Variants in TTLL5 observed in about 807,000 individuals in gnomAD.
The protein encoded by TTLL5 is tubulin polyglutamylase TTLL5.
A neutral mutation model predicts 168.4 loss-of-function variants in TTLL5; 132 were observed. That is an observed-to-expected ratio of 0.78 (90% CI 0.68 to 0.91). The LOEUF (loss-of-function observed/expected upper bound fraction) is 0.91, where lower values mean the gene tolerates loss of function less well. Among genes scored for constraint, TTLL5 ranks in the 40% least tolerant of loss-of-function variants. The pLI is 0.00. For synonymous variants in TTLL5, 546 were observed against 558.6 expected, an observed-to-expected ratio of 0.98 and a Z score of 0.32; for missense variants, 1,545 against 1,581.5, an observed-to-expected ratio of 0.98 and a Z score of 0.39.
At chr14:75,891,840 A>G (rs4903349) in intron 30 of TTLL5, among the ~76,000 whole-genome samples, 134,456 of 152,272 alleles carry the variant, frequency 0.88, 59,471 homozygotes, top group South Asian at 0.92. Flanking sequence ...TAGAGATAGC[A>G]CTAAGCTTCT....
At chr14:75,925,148 C>T (rs1317789581) in intron 31 of TTLL5, among the ~76,000 whole-genome samples, 1 of 148,000 alleles carries the variant, frequency 6.8e-6, no homozygotes, top group Non-Finnish European at 1.5e-5. Context: ...CTGACCCCCC[C>T]ACCTCCCTCC....
chr14:75,670,505 A>T (rs1168723876), intron 3 of TTLL5, among the ~76,000 whole-genome samples: 1 of 152,228 alleles, frequency 6.6e-6, no homozygotes, highest in Non-Finnish European at 1.5e-5. Flanking sequence ...ACTGTTTTCC[A>T]TAGCAGCTGT....
chr14:75,895,525 T>G (rs910791154), intron 30 of TTLL5, among the ~76,000 whole-genome samples: 1 of 151,892 alleles, frequency 6.6e-6, no homozygotes, highest in Non-Finnish European at 1.5e-5. Flanking sequence ...GAGGTTTTTT[T>G]TTAAAAAAAA....
At position 75,902,159 on chromosome 14, in the gene TTLL5, GGCAGCTGAATGGACTCCAGA is replaced by G. The variant is rs760943405; in HGVS notation, c.3764_3783del (p.Leu1255ProfsTer2). 1 of 1,614,134 alleles carries G rather than the reference GGCAGCTGAATGGACTCCAGA, an allele frequency of 6.2e-7. No individual in the cohort carries two copies. Among genetic ancestry groups the G allele is most frequent in the Non-Finnish European group, 8.5e-7 (1 of 1,180,000 alleles). ...TGTTTCAGAGGGTCCTCCGCGGAAG[GGCAGCTGAATGGACTCCAGA>G]GCAGCCTTAACCCTGCAGCCTTTGT... On this transcript the variant is annotated frameshift_variant, in exon 31 of 32. Coordinates refer to ENST00000298832, the MANE Select transcript of TTLL5 (RefSeq NM_015072.5). LOFTEE classifies it high-confidence loss of function.
chr14:75,665,097 G>A (rs970179864), intron 2 of TTLL5, among the ~76,000 whole-genome samples: 1 of 152,060 alleles, frequency 6.6e-6, no homozygotes, highest in Non-Finnish European at 1.5e-5. Flanking sequence ...TTATGCCATG[G>A]ATTCCTTACC....
At chr14:75,888,721 G>A (rs889368014) in intron 30 of TTLL5, among the ~76,000 whole-genome samples, 90 of 151,992 alleles carry the variant, frequency 5.9e-4, no homozygotes, top group African/African-American at 2.1e-3. Context: ...GGGTCATGAG[G>A]TCAGGAGTTC....
At chr14:75,724,637 CA>C (rs1888073790) in intron 12 of TTLL5, among the ~76,000 whole-genome samples, 1 of 152,120 alleles carries the variant, frequency 6.6e-6, no homozygotes, top group Non-Finnish European at 1.5e-5. Context: ...TAACTCAGGT[CA>C]AAATGACTCA....
chr14:75,800,042 T>C (rs1167684614), intron 27 of TTLL5, among the ~76,000 whole-genome samples: 1 of 152,234 alleles, frequency 6.6e-6, no homozygotes, highest in East Asian at 1.9e-4. Flanking sequence ...TTCTCCTCGA[T>C]TATTCCCCCA....
chr14:75,686,458 C>T (rs1209841972), intron 5 of TTLL5, among the ~76,000 whole-genome samples: 1 of 152,120 alleles, frequency 6.6e-6, no homozygotes, highest in African/African-American at 2.4e-5. Flanking sequence ...CTGGAAGGGT[C>T]ATTTCAGGCC....
chr14:75,720,825 T>C, intron 12 of TTLL5, 122 bp downstream of exon 12: 1 of 805,734 alleles, frequency 1.2e-6, no homozygotes, highest in Non-Finnish European at 2.1e-6. Context: ...GGACTCTTCT[T>C]TCTAAGCTCA....
chr14:75,908,496 C>T (rs546786262), intron 31 of TTLL5, among the ~76,000 whole-genome samples: 1 of 152,334 alleles, frequency 6.6e-6, no homozygotes, highest in South Asian at 2.1e-4. Context: ...AGTCCTAGAA[C>T]CTCTTCATAT....
Position 75,950,243 on chromosome 14 carries a change from C to T in TTLL5, c.3824-4181C>T, listed in dbSNP as rs181596687. 2.8e-3 allele frequency among the ~76,000 whole-genome samples: 423 copies of T among 152,280 alleles called. 2 individuals carry two copies. Among genetic ancestry groups the T allele is most frequent in the African/African-American group, 9.8e-3 (407 of 41,562 alleles). On this transcript the variant is annotated intron_variant, in intron 31 of 31. Transcript: ENST00000298832. Reference sequence around the variant, plus strand: ...AGGAAAAAATGGAATTAGATCTGTGCTTCGAACTGTACACAACTTCAGGTC... The same window carrying T: ...AGGAAAAAATGGAATTAGATCTGTGTTTCGAACTGTACACAACTTCAGGTC...
At chr14:75,776,603 G>A (rs1433902989) in intron 22 of TTLL5, 144 bp from the exon 23 acceptor site, 1 of 484,140 alleles carries the variant, frequency 2.1e-6, no homozygotes, top group Admixed American at 3.9e-5. Flanking sequence ...AAATTTATAG[G>A]TGGCAAAAGT....
At chr14:75,673,340 C>T (rs1344059396) in intron 3 of TTLL5, among the ~76,000 whole-genome samples, 13 of 152,196 alleles carry the variant, frequency 8.5e-5, no homozygotes. Context: ...TTTCACTTAT[C>T]TCTGCTCCTC....
At chr14:75,686,160 G>T (rs534809494) in intron 5 of TTLL5, among the ~76,000 whole-genome samples, 2 of 152,294 alleles carry the variant, frequency 1.3e-5, no homozygotes, top group African/African-American at 4.8e-5. Flanking sequence ...TTACCACAAA[G>T]GTTCTTAGTT....
chr14:75,925,428 A>G, intron 31 of TTLL5, among the ~76,000 whole-genome samples: 1 of 135,380 alleles, frequency 7.4e-6, no homozygotes, highest in Non-Finnish European at 1.6e-5. Context: ...GCGGCGGGGC[A>G]GAGGCGCTCC....
At chr14:75,677,496 A>G (rs1287997852) in intron 3 of TTLL5, among the ~76,000 whole-genome samples, 1 of 148,458 alleles carries the variant, frequency 6.7e-6, no homozygotes, top group Non-Finnish European at 1.5e-5. Context: ...TTCAAGGCTC[A>G]GGTGATCCTC....
intron 29 of TTLL5, among the ~76,000 whole-genome samples, chr14:75,873,295 C>T (rs962362017): frequency 1.1e-4 from 17 of 152,070 alleles, no homozygotes; most frequent in South Asian, 6.2e-4. Flanking sequence ...AGGATGGTCT[C>T]GATCTTCTGA....
At chr14:75,683,090 C>A (rs997221400) in intron 4 of TTLL5, among the ~76,000 whole-genome samples, 2 of 152,134 alleles carry the variant, frequency 1.3e-5, no homozygotes, top group African/African-American at 2.4e-5. Context: ...AGTTCTGATA[C>A]CAGTTTGTAT....
Sources: allele counts gnomAD v4.1 joint callset (sites outside exome capture counted in the v4.1 genomes callset), GRCh38; gene constraint gnomAD v4.1.1; transcripts MANE v1.5; gene names NCBI Gene and HGNC (gene_info 2026-07-23, HGNC 2026-07-21).